The following NSD1 variants were observed in gnomAD, a reference collection of about 807,000 sequenced individuals.
NSD1 encodes the protein histone-lysine N-methyltransferase, H3 lysine-36 specific.
In NSD1, 26 loss-of-function variants were observed where a neutral mutation model predicts 242.7. The ratio of observed to expected loss-of-function variants is 0.11; its 90% confidence interval spans 0.08 to 0.15. The LOEUF is 0.15. Among genes scored for constraint, NSD1 ranks in the 10% least tolerant of loss-of-function variants. The pLI is 1.00. For missense variants in NSD1, 2,495 were observed against 3,272.8 expected, an observed-to-expected ratio of 0.76 and a Z score of 5.80; for synonymous variants, 1,106 against 1,178.1, an observed-to-expected ratio of 0.94 and a Z score of 1.25.
chr5:177,280,812 G>A lies in NSD1; in HGVS notation c.5870G>A (p.Arg1957Gln), dbSNP rs779232646. The A allele has an allele frequency of 1.9e-6, 3 of 1,613,934 alleles. No homozygotes were observed. The highest frequency in any genetic ancestry group is 2.5e-6 in the Non-Finnish European group (3 of 1,180,018). ...FRTLQRGWGL[R>Q]TKTDIKKGEF... ...ACATTACAGCGGGGTTGGGGTCTAC[G>A]GACAAAAACAGATATTAAAAAGGTT... The change falls in exon 18 of 23, where the codon CGG becomes CAG. Residue 1957 changes from arginine (R) to glutamine (Q), a missense_variant. Transcript: ENST00000439151.
At chr5:177,136,698 A>G (rs1022902703) in intron 2 of NSD1, among the ~76,000 whole-genome samples, 5 of 151,506 alleles carry the variant, frequency 3.3e-5, no homozygotes, top group Admixed American at 1.3e-4. Context: ...GGTTCAAGCA[A>G]TTCTCCTGCC....
chr5:177,204,844 T>C (rs1482556615), intron 4 of NSD1, among the ~76,000 whole-genome samples: 1 of 152,186 alleles, frequency 6.6e-6, no homozygotes, highest in Non-Finnish European at 1.5e-5. Context: ...GTGACATATT[T>C]ATACTAAATT....
chr5:177,146,775 G>T (rs975643548), intron 2 of NSD1, among the ~76,000 whole-genome samples: 8 of 151,608 alleles, frequency 5.3e-5, no homozygotes, highest in Non-Finnish European at 1.2e-4. Context: ...AGGCTGAGGC[G>T]GCTGGATCAC....
chr5:177,219,217 C>T (rs1286480754), intron 5 of NSD1, among the ~76,000 whole-genome samples: 17 of 151,386 alleles, frequency 1.1e-4, no homozygotes, highest in African/African-American at 3.2e-4. Context: ...GAGGGAGTCT[C>T]GCTCTGTCGC....
chr5:177,257,507 A>C (rs1756585168), intron 13 of NSD1, among the ~76,000 whole-genome samples: 1 of 152,154 alleles, frequency 6.6e-6, no homozygotes, highest in African/African-American at 2.4e-5. Flanking sequence ...CTGGGATTAC[A>C]GGCGTGAGCC....
At chr5:177,198,377 C>T (rs1762261278) in intron 3 of NSD1, among the ~76,000 whole-genome samples, 1 of 152,026 alleles carries the variant, frequency 6.6e-6, no homozygotes, top group South Asian at 2.1e-4. Context: ...AGGTGCTAGC[C>T]AATTCGGATC....
rs1391952954 is a variant in NSD1, at chr5:177,257,260, T to TC, written c.4966+110dup. On this transcript the variant is annotated intron_variant, in intron 13 of 22. Transcript: ENST00000439151. The stretch of plus-strand genomic sequence containing the variant: ...TTTTTTTTTTTTTGGAGACAGAGTC[T>TC]CGCTGTGTTGCCGAGGCTGGAGTGC... 2.2e-5 allele frequency: 21 copies of TC among 958,212 alleles called. No individual in the cohort carries two copies. In the East Asian group the frequency reaches 5.0e-4, roughly 23 times the overall value. The allele number at this position is 958,212 out of a possible 1,614,324, so 59.4% of individuals were successfully genotyped here.
At chr5:177,133,482 G>A (rs1756005957), upstream of NSD1, 1 of 151,664 alleles carries the variant, frequency 6.6e-6, no homozygotes, top group African/African-American at 2.4e-5. The surrounding 1 kb of genome is among the most constrained non-coding windows in gnomAD (Gnocchi z 6.2). Flanking sequence ...CCCCTGGGGA[G>A]CCCGCCTCAG....
At position 177,140,073 on chromosome 5, in the gene NSD1, G is replaced by A. The variant is rs1347390352; in HGVS notation, c.927+4043G>A. 2.6e-5 allele frequency among the ~76,000 whole-genome samples: 4 copies of A among 152,282 alleles called. No homozygotes were observed. The South Asian group carries it at 8.3e-4, about 32-fold the overall frequency. On this transcript the variant is annotated intron_variant, in intron 2 of 22. Coordinates refer to ENST00000439151, the MANE Select transcript of NSD1 (RefSeq NM_022455.5). ...TATTTTGTGTATCTACCTCTAAGTGGACTGTTTGCCTCTTGTCACGAATTA... is the reference window on the plus strand; with the variant it reads ...TATTTTGTGTATCTACCTCTAAGTGAACTGTTTGCCTCTTGTCACGAATTA...
intron 5 of NSD1, among the ~76,000 whole-genome samples, chr5:177,225,304 A>G (rs964392202): frequency 2.0e-5 from 3 of 151,820 alleles, no homozygotes; most frequent in Non-Finnish European, 4.4e-5. Context: ...CACCACACCC[A>G]GCTAATTTTT....
chr5:177,159,691 G>A (rs1362201740), intron 2 of NSD1, among the ~76,000 whole-genome samples: 1 of 149,838 alleles, frequency 6.7e-6, no homozygotes, highest in Non-Finnish European at 1.5e-5. Context: ...CGCCTCCCAC[G>A]TTCAAGCAAT....
Position 177,192,346 on chromosome 5 carries a change from G to C in NSD1, c.1063+327G>C, listed in dbSNP as rs563219744. Among the ~76,000 whole-genome samples, 123 of 151,460 alleles carry C rather than the reference G, an allele frequency of 8.1e-4. 1 individual carries two copies. The South Asian group carries it at 9.6e-3, about 12-fold the overall frequency. On this transcript the variant is annotated intron_variant, in intron 3 of 22. Transcript: ENST00000439151. ...CTGCCTTAGCCTCCCGAGTAGCTGGGATTACAGGCATCCGCCACCACGCTT... is the reference window on the plus strand; with the variant it reads ...CTGCCTTAGCCTCCCGAGTAGCTGGCATTACAGGCATCCGCCACCACGCTT...
At chr5:177,259,524 A>G (rs548262439) in intron 13 of NSD1, among the ~76,000 whole-genome samples, 190 of 152,304 alleles carry the variant, frequency 1.2e-3, no homozygotes, top group African/African-American at 4.3e-3. Flanking sequence ...TTTAATTGTT[A>G]TTACAGATTG....
intron 2 of NSD1, 128 bp downstream of exon 2, chr5:177,136,158 A>T (rs550741685): frequency 4.9e-6 from 4 of 824,046 alleles, no homozygotes; most frequent in Non-Finnish European, 7.7e-6. Flanking sequence ...ATTGCTAATC[A>T]TAAGCTTTGG....
intron 6 of NSD1, among the ~76,000 whole-genome samples, chr5:177,237,062 C>G (rs551513595): frequency 6.6e-6 from 1 of 151,994 alleles, no homozygotes; most frequent in South Asian, 2.1e-4. Context: ...TGGCTGGTCT[C>G]GAATTCCTGG....
chr5:177,146,173 C>T (rs1053524570), intron 2 of NSD1, among the ~76,000 whole-genome samples: 3 of 149,048 alleles, frequency 2.0e-5, no homozygotes, highest in African/African-American at 7.4e-5. Context: ...ACCACACAAC[C>T]AGAATATTGA....
chr5:177,232,575 A>G (rs761953762), intron 5 of NSD1, among the ~76,000 whole-genome samples: 12 of 152,188 alleles, frequency 7.9e-5, no homozygotes, highest in Non-Finnish European at 1.5e-4. Flanking sequence ...TTTTGCATGC[A>G]CAGCCGGATT....
intron 7 of NSD1, 139 bp from the exon 8 acceptor site, chr5:177,239,617 A>G: frequency 1.7e-6 from 1 of 602,486 alleles, no homozygotes; most frequent in Non-Finnish European, 3.0e-6. Context: ...TAAGCAAATT[A>G]CCATCCTGCC....
At chr5:177,266,261 C>A in intron 14 of NSD1, 2 of 764,698 alleles carry the variant, frequency 2.6e-6, no homozygotes, top group Non-Finnish European at 4.8e-6. Context: ...CTCCACCTTC[C>A]CCTTGGTGAT....
Sources: gnomAD v4.1 joint callset for allele counts (sites outside exome capture counted in the v4.1 genomes callset) on GRCh38, gnomAD v4.1.1 for gene constraint, Gnocchi (gnomAD v3.1) non-coding constraint, MANE v1.5 for transcripts, NCBI Gene and HGNC (gene_info 2026-07-23, HGNC 2026-07-21) for gene names.